FEZ2: variants seen among roughly 807,000 people sequenced by gnomAD.
The protein encoded by FEZ2 is fasciculation and elongation protein zeta-2.
In FEZ2, 51 loss-of-function variants were observed where a neutral mutation model predicts 40.4. The observed-to-expected ratio is 1.26, with a 90% confidence interval of 1.01 to 1.59. The LOEUF (loss-of-function observed/expected upper bound fraction) is 1.59. Among genes scored for constraint, FEZ2 ranks in the 40% most tolerant of loss-of-function variants. The pLI is 0.00. For missense variants in FEZ2, 640 were observed against 438.3 expected (o/e 1.46, Z -4.11); for synonymous variants, 242 against 172.0 (o/e 1.41, Z -3.18).
At chr2:36,568,132 G>T (rs927302355) in intron 5 of FEZ2, among the ~76,000 whole-genome samples, 15 of 152,118 alleles carry the variant, frequency 9.9e-5, no homozygotes, top group African/African-American at 3.6e-4. Flanking sequence ...TTTTCTCTAT[G>T]CTTAAATTTT....
Position 36,566,335 on chromosome 2 carries a change from G to A in FEZ2, c.904-7822C>T, listed in dbSNP as rs1220235219. 2.3e-4 allele frequency among the ~76,000 whole-genome samples: 26 copies of A among 113,512 alleles called. No homozygotes were observed. In the South Asian group the frequency reaches 2.3e-3, roughly 10 times the overall value. 74.5% of individuals were successfully genotyped at this position (113,512 alleles called of 152,430 possible). A position where few individuals can be genotyped will look rare whatever the true frequency, so the allele number is the denominator to read the frequency against. On this transcript the variant is annotated intron_variant, in intron 5 of 7. Transcript: ENST00000405912. ...ACCCTGGACGACAGAGCGAGACTCC[G>A]TCTCAAAAAAAAAAAAAAGTAATCA...
rs202047588 is a variant in FEZ2, at chr2:36,590,952, G to A, written c.326C>T (p.Ser109Leu). 1.7e-5 allele frequency: 27 copies of A among 1,613,054 alleles called. 1 individual carries two copies. The highest frequency in any genetic ancestry group is 1.5e-4 in the South Asian group (14 of 91,064). Residue 109 changes from serine (S) to leucine (L), a missense_variant, in exon 2 of 8, where the codon TCG (serine) becomes TTG (leucine). Ser to Leu is a moderately radical substitution (Grantham distance 145). Coordinates refer to ENST00000405912, the MANE Select transcript of FEZ2 (RefSeq NM_005102.3). ...GNVMPVDWKS[S>L]HTRTLHLLTL... ...AAGCAAGTGCAAGGTCCTAGTATGCGATGACTTCCAGTCTACAGGCATCAC... is the reference window on the plus strand; with the variant it reads ...AAGCAAGTGCAAGGTCCTAGTATGCAATGACTTCCAGTCTACAGGCATCAC...
intron 4 of FEZ2, among the ~76,000 whole-genome samples, chr2:36,579,544 G>C (rs1668673520): frequency 6.6e-6 from 1 of 151,918 alleles, no homozygotes; most frequent in African/African-American, 2.4e-5. Context: ...AAAGTGTGTG[G>C]CACTCCCCCC....
chr2:36,556,772 CTG>C (rs1018989330), intron 6 of FEZ2: 16 of 152,216 alleles, frequency 1.1e-4, no homozygotes, highest in African/African-American at 3.9e-4. Flanking sequence ...TATGTATTAA[CTG>C]TAACTAACAC....
chr2:36,596,151 T>C (rs1669216600), intron 1 of FEZ2, among the ~76,000 whole-genome samples: 1 of 152,122 alleles, frequency 6.6e-6, no homozygotes, highest in African/African-American at 2.4e-5. Context: ...TAAAATCCAA[T>C]TATAAGTGTT....
intron 5 of FEZ2, among the ~76,000 whole-genome samples, chr2:36,561,077 T>C (rs932156630): frequency 1.3e-5 from 2 of 152,274 alleles, no homozygotes; most frequent in African/African-American, 4.8e-5. Flanking sequence ...CAACTGTTTT[T>C]ATGCTACTAT....
intron 1 of FEZ2, among the ~76,000 whole-genome samples, chr2:36,593,767 T>G (rs938853715): frequency 6.6e-6 from 1 of 151,926 alleles, no homozygotes; most frequent in South Asian, 2.1e-4. Context: ...TTCCCCATGG[T>G]CGTGGGGATT....
chr2:36,555,631 C>T, intron 7 of FEZ2, 52 bp downstream of exon 7: 1 of 966,214 alleles, frequency 1.0e-6, no homozygotes, highest in Non-Finnish European at 1.6e-6. Context: ...GATGTATTTA[C>T]TGACTAATCC....
Position 36,578,818 on chromosome 2 carries a change from T to C in FEZ2, c.682A>G (p.Ile228Val). Reference sequence around the variant, plus strand: ...GAGTACTCCTTAATGGCAGTCTCAATTTCTTCCAGGATTTCATTTAACTCA... The same window carrying C: ...GAGTACTCCTTAATGGCAGTCTCAACTTCTTCCAGGATTTCATTTAACTCA... Reference protein sequence around the residue: ...VSELNEILEEIETAIKEYSEE... With the variant: ...VSELNEILEEVETAIKEYSEE... The change falls in exon 5 of 8, where the codon ATT (isoleucine) becomes GTT (valine). Residue 228 changes from isoleucine to valine, a missense_variant. Physicochemically the swap from Ile to Val is conservative, Grantham distance 29 (BLOSUM62 3). Transcript: ENST00000405912. The C allele has an allele frequency of 6.2e-7, 1 of 1,613,362 alleles. No individual in the cohort carries two copies. The highest frequency in any genetic ancestry group is 8.5e-7 in the Non-Finnish European group (1 of 1,179,740).
At chr2:36,559,445 C>T (rs1200083835) in intron 5 of FEZ2, among the ~76,000 whole-genome samples, 3 of 152,232 alleles carry the variant, frequency 2.0e-5, no homozygotes, top group Non-Finnish European at 2.9e-5. Flanking sequence ...CTAATCCTCA[C>T]TGAGTGATCT....
At chr2:36,563,741 T>C (rs1350997074) in intron 5 of FEZ2, among the ~76,000 whole-genome samples, 1 of 152,140 alleles carries the variant, frequency 6.6e-6, no homozygotes, top group East Asian at 1.9e-4. Flanking sequence ...GAAACAGCTC[T>C]TCCCAACATC....
intron 2 of FEZ2, among the ~76,000 whole-genome samples, chr2:36,589,414 T>C (rs1323482880): frequency 6.6e-6 from 1 of 152,220 alleles, no homozygotes; most frequent in Non-Finnish European, 1.5e-5. Context: ...TAAATGACCA[T>C]CTGTCAGAGA....
rs929590128 is a variant in FEZ2, at chr2:36,581,148, C to G, written c.634+142G>C. On this transcript the variant is annotated intron_variant, in intron 4 of 7. Coordinates refer to ENST00000405912, the MANE Select transcript of FEZ2 (RefSeq NM_005102.3). The stretch of plus-strand genomic sequence containing the variant: ...TGGGCCAAAAAGTGAAATCCCGTCT[C>G]AACAACAACAACAAAAATGTAAATT... The G allele has an allele frequency of 3.7e-6, 3 of 816,418 alleles. No individual in the cohort carries two copies. The African/African-American group carries it at 6.1e-5, about 17-fold the overall frequency. 50.6% of individuals were successfully genotyped at this position (816,418 alleles called of 1,614,324 possible). A position where few individuals can be genotyped will look rare whatever the true frequency, so the allele number is the denominator to read the frequency against.
intron 1 of FEZ2, among the ~76,000 whole-genome samples, chr2:36,596,368 T>C (rs2148355019): frequency 6.6e-6 from 1 of 152,356 alleles, no homozygotes; most frequent in East Asian, 1.9e-4. Flanking sequence ...CTCCTTTCCG[T>C]GCCCGTGACT....
At position 36,578,605 on chromosome 2, in the gene FEZ2, G is replaced by A. The variant is rs749339219; in HGVS notation, c.895C>T (p.Pro299Ser). The A allele has an allele frequency of 7.4e-6, 12 of 1,612,274 alleles. No homozygotes were observed. Among genetic ancestry groups the A allele is most frequent in the Non-Finnish European group, 1.0e-5 (12 of 1,179,502 alleles). The change falls in exon 5 of 8, where the codon CCC (proline) becomes TCC (serine). Residue 299 changes from proline to serine, a missense_variant. By Grantham distance (74) the Pro-to-Ser change is moderately conservative. Coordinates refer to ENST00000405912, the MANE Select transcript of FEZ2 (RefSeq NM_005102.3). ...QNGKNERSHMPGTYLTTVIPY... is the reference protein window; with the variant it reads ...QNGKNERSHMSGTYLTTVIPY... Reference sequence around the variant, plus strand: ...TGCAAAACATCACTTACTGTGCCGGGCATATGACTTCTCTCATTCTTCCCA... The same window carrying A: ...TGCAAAACATCACTTACTGTGCCGGACATATGACTTCTCTCATTCTTCCCA...
At chr2:36,596,171 T>C (rs1669217035) in intron 1 of FEZ2, among the ~76,000 whole-genome samples, 1 of 152,210 alleles carries the variant, frequency 6.6e-6, no homozygotes, top group African/African-American at 2.4e-5. Flanking sequence ...TTCCCTTCTC[T>C]ACACCTGGGC....
chr2:36,584,533 T>C (rs982024139), intron 2 of FEZ2, among the ~76,000 whole-genome samples: 1 of 152,204 alleles, frequency 6.6e-6, no homozygotes, highest in Non-Finnish European at 1.5e-5. Flanking sequence ...TGTCATGACA[T>C]GACTATTCAG....
chr2:36,555,891 A>AG, intron 6 of FEZ2, 143 bp from the exon 7 acceptor site: 1 of 662,172 alleles, frequency 1.5e-6, no homozygotes, highest in East Asian at 2.8e-5. Flanking sequence ...TTTCCTGATA[A>AG]GGGGATACAA....
chr2:36,595,228 C>A (rs936842395), intron 1 of FEZ2, among the ~76,000 whole-genome samples: 1 of 152,024 alleles, frequency 6.6e-6, no homozygotes, highest in Non-Finnish European at 1.5e-5. Context: ...ATTACATTTA[C>A]GGTGTACTTT....
Sources: gnomAD v4.1 joint callset for allele counts (sites outside exome capture counted in the v4.1 genomes callset) on GRCh38, gnomAD v4.1.1 for gene constraint, MANE v1.5 for transcripts, NCBI Gene and HGNC (gene_info 2026-07-23, HGNC 2026-07-21) for gene names.